PHACTR3: variants seen among roughly 807,000 people sequenced by gnomAD.
The protein encoded by PHACTR3 is protein phosphatase 1, regulatory subunit 123.
PHACTR3 carries 16 observed loss-of-function variants against 66.8 expected under a neutral mutation model. The ratio of observed to expected loss-of-function variants is 0.24; its 90% confidence interval spans 0.16 to 0.36. The LOEUF (loss-of-function observed/expected upper bound fraction) is 0.36, where lower values mean the gene tolerates loss of function less well. Ranked by LOEUF, PHACTR3 falls within the 10% of genes least tolerant of loss-of-function variation. The probability of loss-of-function intolerance (pLI) is 1.00; values close to 1 mark genes in which losing one functional copy is unlikely to be tolerated. For missense variants in PHACTR3, 647 were observed against 719.9 expected, an observed-to-expected ratio of 0.90 and a Z score of 1.16; for synonymous variants, 323 against 292.1, an observed-to-expected ratio of 1.11 and a Z score of -1.08.
chr20:59,608,181 G>A (rs1343168287), intron 1 of PHACTR3, among the ~76,000 whole-genome samples: 1 of 152,174 alleles, frequency 6.6e-6, no homozygotes, highest in African/African-American at 2.4e-5. Context: ...TTCCCTGATT[G>A]CTAGTGAGCA....
chr20:59,713,314 T>C (rs1239879922), intron 1 of PHACTR3, among the ~76,000 whole-genome samples: 2 of 152,262 alleles, frequency 1.3e-5, no homozygotes, highest in African/African-American at 2.4e-5. Flanking sequence ...GACATTACTT[T>C]GCACAGAGCA....
At chr20:59,731,371 T>G (rs1209527193) in intron 1 of PHACTR3, among the ~76,000 whole-genome samples, 1 of 152,200 alleles carries the variant, frequency 6.6e-6, no homozygotes, top group Non-Finnish European at 1.5e-5. Context: ...TCTTTGCAAA[T>G]GCAGATGCAT....
At chr20:59,818,243 C>T (rs775728058) in intron 8 of PHACTR3, among the ~76,000 whole-genome samples, 6 of 152,160 alleles carry the variant, frequency 3.9e-5, no homozygotes, top group Non-Finnish European at 8.8e-5. Context: ...TCCTGACATG[C>T]GCCTTACTTT....
chr20:59,605,721 G>T (rs1194040383), intron 1 of PHACTR3, among the ~76,000 whole-genome samples: 1 of 152,222 alleles, frequency 6.6e-6, no homozygotes, highest in South Asian at 2.1e-4. Flanking sequence ...TCGTGACAGC[G>T]TGTGGACTCC....
At chr20:59,607,599 GAC>G (rs1433721311) in intron 1 of PHACTR3, among the ~76,000 whole-genome samples, 2 of 152,236 alleles carry the variant, frequency 1.3e-5, no homozygotes, top group Admixed American at 1.3e-4. Flanking sequence ...GCTATGTTTT[GAC>G]ACCTCTTTCT....
At chr20:59,645,826 G>A (rs1234816983) in intron 1 of PHACTR3, among the ~76,000 whole-genome samples, 1 of 152,120 alleles carries the variant, frequency 6.6e-6, no homozygotes, top group Non-Finnish European at 1.5e-5. Flanking sequence ...CTAGCTCAGT[G>A]CCTGGCACAT....
intron 7 of PHACTR3, among the ~76,000 whole-genome samples, chr20:59,775,937 C>T (rs1011372573): frequency 6.6e-6 from 1 of 152,166 alleles, no homozygotes; most frequent in Non-Finnish European, 1.5e-5. Flanking sequence ...CTGCAGCATC[C>T]CTGGCCTCTC....
rs2059057993 is a variant in PHACTR3, at chr20:59,841,362, G to C, written c.1447-33G>C. On this transcript the variant is annotated intron_variant, in intron 10 of 12. Coordinates refer to ENST00000371015, the MANE Select transcript of PHACTR3 (RefSeq NM_080672.5). ...TACTTCAAAAAAGCTAGTTTGGCAT[G>C]TGATACTTAACTATGATGATCTTTA... 1.9e-6 allele frequency: 3 copies of C among 1,590,334 alleles called. No homozygotes were observed. In the African/African-American group the frequency reaches 4.0e-5, roughly 21 times the overall value.
At chr20:59,705,916 T>C (rs2037684881) in intron 1 of PHACTR3, among the ~76,000 whole-genome samples, 1 of 152,186 alleles carries the variant, frequency 6.6e-6, no homozygotes, top group Admixed American at 6.5e-5. Context: ...GGGTGTCCAG[T>C]TACTCTTTGA....
chr20:59,750,731 C>T (rs925677761), intron 3 of PHACTR3, among the ~76,000 whole-genome samples: 4 of 152,114 alleles, frequency 2.6e-5, no homozygotes, highest in African/African-American at 7.2e-5. Context: ...TATCAGGGAC[C>T]GGGCAGCAGG....
At chr20:59,675,016 C>A (rs1370787268) in intron 1 of PHACTR3, among the ~76,000 whole-genome samples, 1 of 97,980 alleles carries the variant, frequency 1.0e-5, no homozygotes, top group Non-Finnish European at 2.0e-5. Context: ...CTGTTCCTCC[C>A]CATTCTCCTC....
At chr20:59,669,518 G>T (rs917259619) in intron 1 of PHACTR3, among the ~76,000 whole-genome samples, 1 of 152,214 alleles carries the variant, frequency 6.6e-6, no homozygotes, top group Admixed American at 6.5e-5. Flanking sequence ...GCAGTGTACT[G>T]TTCAATGGTT....
chr20:59,739,160 G>A (rs1363373803), intron 1 of PHACTR3, among the ~76,000 whole-genome samples: 1 of 152,074 alleles, frequency 6.6e-6, no homozygotes, highest in Non-Finnish European at 1.5e-5. Context: ...GCTCCCACTG[G>A]GTACCAGGCA....
intron 9 of PHACTR3, among the ~76,000 whole-genome samples, chr20:59,837,600 C>T (rs983152006): frequency 1.4e-4 from 22 of 152,106 alleles, no homozygotes; most frequent in Non-Finnish European, 5.9e-5. Flanking sequence ...TTAACTATAC[C>T]ATCTCTGAGG....
At chr20:59,775,342 T>C (rs540902688) in intron 7 of PHACTR3, among the ~76,000 whole-genome samples, 2 of 152,100 alleles carry the variant, frequency 1.3e-5, no homozygotes, top group Non-Finnish European at 2.9e-5. Context: ...AAGCATCTCA[T>C]GGTGACTGTT....
At chr20:59,840,312 A>AAC (rs1467071521) in intron 9 of PHACTR3, 57 bp from the exon 10 acceptor site, 2 of 1,583,788 alleles carry the variant, frequency 1.3e-6, no homozygotes, top group Admixed American at 1.9e-5. Flanking sequence ...TGAAGAGAAG[A>AAC]ACGTTTCAAC....
intron 1 of PHACTR3, among the ~76,000 whole-genome samples, chr20:59,742,225 T>C (rs565568389): frequency 2.6e-5 from 4 of 152,370 alleles, no homozygotes; most frequent in South Asian, 4.1e-4. Flanking sequence ...CTGTCCGTGC[T>C]TGGAGATCCA....
chr20:59,798,157 C>T (rs915469401), intron 7 of PHACTR3, among the ~76,000 whole-genome samples: 2 of 152,102 alleles, frequency 1.3e-5, no homozygotes, highest in Non-Finnish European at 2.9e-5. Flanking sequence ...ATAGGTGGCA[C>T]CATCTAGGTG....
chr20:59,635,074 T>C (rs2034798465), intron 1 of PHACTR3, among the ~76,000 whole-genome samples: 1 of 151,762 alleles, frequency 6.6e-6, no homozygotes, highest in South Asian at 2.1e-4. Context: ...TTTCTTTTTC[T>C]GTTCTTTTTT....
Sources: gnomAD v4.1 joint callset for allele counts (sites outside exome capture counted in the v4.1 genomes callset) on GRCh38, gnomAD v4.1.1 for gene constraint, MANE v1.5 for transcripts, NCBI Gene and HGNC (gene_info 2026-07-23, HGNC 2026-07-21) for gene names.